The following AHI1 variants were observed in gnomAD, a reference collection of about 807,000 sequenced individuals.
AHI1 encodes the protein jouberin.
In AHI1, 123 loss-of-function variants were observed where a neutral mutation model predicts 149.3. The ratio of observed to expected loss-of-function variants is 0.82; its 90% CI spans 0.71 to 0.96. The LOEUF is 0.96. AHI1 is among the 40% of genes least tolerant of loss of function. AHI1 has a pLI of 0.00. For synonymous variants in AHI1, 475 were observed against 459.8 expected, an observed-to-expected ratio of 1.03 and a Z score of -0.42; for missense variants, 1,439 against 1,422.7, an observed-to-expected ratio of 1.01 and a Z score of -0.18.
chr6:135,289,880 CT>C (rs1420421676), intron 28 of AHI1, among the ~76,000 whole-genome samples: 2 of 151,870 alleles, frequency 1.3e-5, no homozygotes, highest in Non-Finnish European at 2.9e-5. Flanking sequence ...GAGAAAAGGC[CT>C]TCTGGCAGGC....
chr6:135,479,609 A>T (rs1260732583), intron 5 of AHI1, among the ~76,000 whole-genome samples: 1 of 152,116 alleles, frequency 6.6e-6, no homozygotes, highest in Non-Finnish European at 1.5e-5. Flanking sequence ...AGGCTCATAG[A>T]TGGAAGAGAC....
At chr6:135,307,811 A>G (rs1449368752) in intron 26 of AHI1, among the ~76,000 whole-genome samples, 1 of 152,040 alleles carries the variant, frequency 6.6e-6, no homozygotes, top group Non-Finnish European at 1.5e-5. Context: ...GTGAGGGGTG[A>G]TTTTGACCCC....
At chr6:135,324,482 C>G (rs935925232) in intron 24 of AHI1, among the ~76,000 whole-genome samples, 1 of 151,056 alleles carries the variant, frequency 6.6e-6, no homozygotes, top group African/African-American at 2.4e-5. Context: ...TCTACTTAAA[C>G]AGTATCTGAA....
intron 23 of AHI1, chr6:135,388,064 G>A (rs1777874040): frequency 1.2e-6 from 2 of 1,611,008 alleles, no homozygotes; most frequent in East Asian, 4.5e-5. Flanking sequence ...GTTAAAAACT[G>A]CATAATAAAA....
At chr6:135,461,937 G>C (rs540219464) in intron 8 of AHI1, among the ~76,000 whole-genome samples, 2 of 151,962 alleles carry the variant, frequency 1.3e-5, no homozygotes, top group African/African-American at 4.8e-5. Context: ...GGCAACTAAC[G>C]GGAAGGTGAT....
chr6:135,483,793 C>T (rs144502037), intron 5 of AHI1, among the ~76,000 whole-genome samples: 102 of 152,264 alleles, frequency 6.7e-4, no homozygotes, highest in African/African-American at 2.2e-3. Flanking sequence ...AATCATCACC[C>T]GCCATTTTCA....
chr6:135,449,172 C>G (rs147386662), intron 11 of AHI1, among the ~76,000 whole-genome samples: 1 of 152,112 alleles, frequency 6.6e-6, no homozygotes, highest in East Asian at 1.9e-4. Flanking sequence ...CCTCAGCCTC[C>G]CGAGTAGCTA....
chr6:135,393,490 G>A (rs1437143503), intron 23 of AHI1, among the ~76,000 whole-genome samples: 1 of 151,998 alleles, frequency 6.6e-6, no homozygotes, highest in Non-Finnish European at 1.5e-5. Context: ...GAATGACAAG[G>A]TCTGAAGCCA....
At chr6:135,328,790 T>A (rs966922579) in intron 24 of AHI1, among the ~76,000 whole-genome samples, 4 of 152,130 alleles carry the variant, frequency 2.6e-5, no homozygotes, top group African/African-American at 9.7e-5. Flanking sequence ...AACTGGCATT[T>A]TGTGCCAAAC....
intron 23 of AHI1, chr6:135,388,017 T>TTCA (rs764391581): frequency 6.2e-7 from 1 of 1,613,772 alleles, no homozygotes; most frequent in Non-Finnish European, 8.5e-7. Flanking sequence ...ATGTGTTGAA[T>TTCA]TCAGCAAAGT....
intron 24 of AHI1, among the ~76,000 whole-genome samples, chr6:135,344,926 TCACACACACACA>T (rs59084001): frequency 2.7e-5 from 4 of 145,704 alleles, no homozygotes; most frequent in Admixed American, 6.9e-5. Context: ...AAGCTCTGAT[TCACACACACACA>T]CACACACACA....
At position 135,300,518 on chromosome 6, in the gene AHI1, C is replaced by T. The variant is rs1262204877; in HGVS notation, c.3467G>A (p.Gly1156Asp). The T allele has an allele frequency of 1.2e-6, 2 of 1,608,420 alleles. No individual in the cohort carries two copies. The highest frequency in any genetic ancestry group is 8.5e-7 in the Non-Finnish European group (1 of 1,177,324). ...TGCTTACTGTGTCATAGATTCTGAG[C>T]CTAGTCTGAAGTCCTGGGACTTGTT... ...NKNKSQDFRLGSESMTHSEMR... is the reference protein window; with the variant it reads ...NKNKSQDFRLDSESMTHSEMR... Residue 1156 changes from glycine to aspartate, a missense_variant, in exon 27 of 29, where the codon GGC (glycine) becomes GAC (aspartate). By Grantham distance (94) the Gly-to-Asp change is moderately conservative. Transcript: ENST00000265602.
chr6:135,328,434 G>T (rs1788039567), intron 24 of AHI1, among the ~76,000 whole-genome samples: 1 of 151,260 alleles, frequency 6.6e-6, no homozygotes, highest in South Asian at 2.1e-4. Flanking sequence ...ATCTGTTATG[G>T]TGATCTATGA....
intron 5 of AHI1, among the ~76,000 whole-genome samples, chr6:135,485,490 T>C (rs1794341200): frequency 6.6e-6 from 1 of 152,218 alleles, no homozygotes; most frequent in Non-Finnish European, 1.5e-5. Context: ...TACAATTGGA[T>C]TAAACCTAAA....
chr6:135,390,087 G>A (rs925940130), intron 23 of AHI1, among the ~76,000 whole-genome samples: 1 of 151,980 alleles, frequency 6.6e-6, no homozygotes, highest in East Asian at 1.9e-4. Context: ...CCCAAGACAA[G>A]TCTTCTTCCA....
chr6:135,394,957 C>A, intron 22 of AHI1, 61 bp from the exon 23 acceptor site: 2 of 1,523,158 alleles, frequency 1.3e-6, no homozygotes, highest in Non-Finnish European at 1.8e-6. Context: ...AATGCAAAAA[C>A]TGGATGAGAA....
rs79821636 is a variant in AHI1 at position 135,345,599 on chromosome 6, T to C, written c.3165+12533A>G. Among the ~76,000 whole-genome samples the C allele has an allele frequency of 6.1e-4, 93 of 152,060 alleles. 2 individuals carry two copies. In the East Asian group the frequency reaches 0.017, roughly 28 times the overall value. ...GGCTACACAGTGCGTTTATATAAAA[T>C]ATCCAGAATAGGCAAACCCATAGAG... On this transcript the variant is annotated intron_variant, in intron 24 of 28. Transcript: ENST00000265602.
At chr6:135,305,203 C>T (rs1784398570) in intron 26 of AHI1, 1 of 152,182 alleles carries the variant, frequency 6.6e-6, no homozygotes, top group South Asian at 2.1e-4. Context: ...AAATGGCATT[C>T]CTTAAGTCCC....
chr6:135,295,354 T>C (rs560969554), intron 27 of AHI1, among the ~76,000 whole-genome samples: 13 of 152,340 alleles, frequency 8.5e-5, no homozygotes, highest in African/African-American at 3.1e-4. Context: ...GGCAGTTTCT[T>C]AAAAAGTTAA....
Sources: allele counts gnomAD v4.1 joint callset (sites outside exome capture counted in the v4.1 genomes callset), GRCh38; gene constraint gnomAD v4.1.1; transcripts MANE v1.5; gene names NCBI Gene and HGNC (gene_info 2026-07-23, HGNC 2026-07-21).